Variants in FXR1 observed in about 807,000 individuals in gnomAD.
FXR1 encodes the protein RNA-binding protein FXR1.
A neutral mutation model predicts 84.0 loss-of-function variants in FXR1; 15 were observed. The ratio of observed to expected loss-of-function variants is 0.18; its 90% CI spans 0.12 to 0.27. The LOEUF (loss-of-function observed/expected upper bound fraction) is 0.27, where lower values mean the gene tolerates loss of function less well. Among genes scored for constraint, FXR1 ranks in the 10% least tolerant of loss-of-function variants. The probability of loss-of-function intolerance (pLI) is 1.00; values close to 1 mark genes in which losing one functional copy is unlikely to be tolerated. For synonymous variants in FXR1, 245 were observed against 250.7 expected (o/e 0.98, Z 0.21); for missense variants, 480 against 774.4 (o/e 0.62, Z 4.51).
At chr3:180,935,108 G>T in intron 2 of FXR1, 30 bp from the exon 3 acceptor site, 1 of 1,045,632 alleles carries the variant, frequency 9.6e-7, no homozygotes, top group Middle Eastern at 2.1e-4. Flanking sequence ...ATATTTTTAA[G>T]TTGTTAATAC....
intron 1 of FXR1, chr3:180,927,627 G>T: frequency 1.7e-6 from 1 of 580,850 alleles, no homozygotes; most frequent in Non-Finnish European, 3.0e-6. Flanking sequence ...CAGATATCCT[G>T]TGTACTTTTT....
intron 1 of FXR1, among the ~76,000 whole-genome samples, chr3:180,923,996 T>A (rs1354276581): frequency 6.6e-6 from 1 of 152,118 alleles, no homozygotes; most frequent in African/African-American, 2.4e-5. Flanking sequence ...TCTTGCTCTG[T>A]CGCCCAGGCT....
rs1038135544 is a variant in FXR1, at chr3:180,979,784, C to A, written c.*3492C>A. The A allele has an allele frequency of 1.3e-5, 2 of 151,976 alleles. No individual in the cohort carries two copies. Among genetic ancestry groups the A allele is most frequent in the African/African-American group, 4.8e-5 (2 of 41,422 alleles). 9.4% of individuals were successfully genotyped at this position (151,976 alleles called of 1,614,324 possible). ...CACTTTTGTAAGGCTCAAAAATGAT[C>A]AACTATTAACAGTTTCTTATGGTTC... On this transcript the variant is annotated 3_prime_UTR_variant, in exon 17 of 17. Coordinates refer to ENST00000357559, the MANE Select transcript of FXR1 (RefSeq NM_005087.4).
intron 1 of FXR1, among the ~76,000 whole-genome samples, chr3:180,926,389 T>C (rs908093205): frequency 1.3e-5 from 2 of 151,446 alleles, no homozygotes; most frequent in Non-Finnish European, 3.0e-5. Context: ...CATGAAACTT[T>C]TAATAGGTTG....
At position 180,957,898 on chromosome 3, in the gene FXR1, G is replaced by A. The variant is rs745844006; in HGVS notation, c.960G>A (p.Gly320=). 12 of 1,546,990 alleles carry A rather than the reference G, an allele frequency of 7.8e-6. No homozygotes were observed. In the South Asian group the frequency reaches 9.2e-5, roughly 12 times the overall value. The part of the protein sequence containing the change: ...KSGVVRVRIE[G]DNENKLPRED... Reference sequence around the variant, plus strand: ...GTGTGGTTCGAGTGAGAATTGAAGGGGACAATGAAAATAAATTACCCAGAG... The same window carrying A: ...GTGTGGTTCGAGTGAGAATTGAAGGAGACAATGAAAATAAATTACCCAGAG... The change falls in exon 10 of 17, where the codon GGG becomes GGA. Residue 320 remains glycine (G), a synonymous_variant. Transcript: ENST00000357559.
Position 180,916,858 on chromosome 3 carries a change from C to T in FXR1, c.51+4122C>T, listed in dbSNP as rs570003051. On this transcript the variant is annotated intron_variant, in intron 1 of 16. Transcript: ENST00000357559. Reference sequence around the variant, plus strand: ...GTTACATTTTTTTGTTTTCTTGAGACGGAGTCTTGCTCTGTCACCAGGCTG... The same window carrying T: ...GTTACATTTTTTTGTTTTCTTGAGATGGAGTCTTGCTCTGTCACCAGGCTG... Among the ~76,000 whole-genome samples, 73 of 152,108 alleles carry T rather than the reference C, an allele frequency of 4.8e-4. 1 individual carries two copies. The highest frequency in any genetic ancestry group is 1.7e-3 in the African/African-American group (71 of 41,528).
rs1311908137 is a variant in FXR1, at chr3:180,979,930, A to C, written c.*3638A>C. 1 of 152,096 alleles carries C rather than the reference A, an allele frequency of 6.6e-6. No individual in the cohort carries two copies. The highest frequency in any genetic ancestry group is 1.5e-5 in the Non-Finnish European group (1 of 67,952). 9.4% of individuals were successfully genotyped at this position (152,096 alleles called of 1,614,324 possible). A position where few individuals can be genotyped will look rare whatever the true frequency, so the allele number is the denominator to read the frequency against. On this transcript the variant is annotated 3_prime_UTR_variant, in exon 17 of 17. Coordinates refer to ENST00000357559, the MANE Select transcript of FXR1 (RefSeq NM_005087.4). ...ACAAAAATTCCCCTGGAAAAACTAT[A>C]TTCTAGTTTTGTAAGATGATTTCCC...
chr3:180,947,313 C>T (rs1018187464), intron 3 of FXR1, among the ~76,000 whole-genome samples: 4 of 152,202 alleles, frequency 2.6e-5, no homozygotes, highest in Non-Finnish European at 4.4e-5. Context: ...TCCCAAAGTG[C>T]TGGGATTACA....
chr3:180,956,240 G>A (rs891612617), intron 9 of FXR1, among the ~76,000 whole-genome samples: 1 of 152,116 alleles, frequency 6.6e-6, no homozygotes, highest in African/African-American at 2.4e-5. Context: ...TTTGAAAATG[G>A]TTCAAAACCT....
chr3:180,914,125 A>G (rs1324272280), intron 1 of FXR1, among the ~76,000 whole-genome samples: 1 of 152,182 alleles, frequency 6.6e-6, no homozygotes, highest in Non-Finnish European at 1.5e-5. Context: ...CCTGTTGGAA[A>G]TGAGACTTTA....
chr3:180,924,591 G>T (rs963733615), intron 1 of FXR1, among the ~76,000 whole-genome samples: 1 of 152,166 alleles, frequency 6.6e-6, no homozygotes, highest in African/African-American at 2.4e-5. Flanking sequence ...TGGAAGTTGG[G>T]TTTAGAATCA....
intron 3 of FXR1, 90 bp from the exon 4 acceptor site, chr3:180,947,775 G>T: frequency 1.8e-6 from 1 of 562,232 alleles, no homozygotes; most frequent in Non-Finnish European, 3.1e-6. Context: ...TCATTCTTAA[G>T]TTTATTGGGA....
intron 3 of FXR1, among the ~76,000 whole-genome samples, chr3:180,940,340 G>T (rs1192412021): frequency 2.0e-5 from 3 of 152,074 alleles, no homozygotes; most frequent in Non-Finnish European, 2.9e-5. Context: ...AAGTTTGAAG[G>T]TAATGTGAAA....
chr3:180,921,810 T>A (rs1447467990), intron 1 of FXR1, among the ~76,000 whole-genome samples: 6 of 152,198 alleles, frequency 3.9e-5, no homozygotes, highest in Non-Finnish European at 2.9e-5. Context: ...AAGTATGATA[T>A]AAAAACTTAG....
At chr3:180,914,817 A>G (rs1347036936) in intron 1 of FXR1, 1 of 984,782 alleles carries the variant, frequency 1.0e-6, no homozygotes, top group Non-Finnish European at 1.2e-6. Flanking sequence ...TGGAAAGGAC[A>G]CTAGCCACCT....
rs150456020 is a variant in FXR1, at chr3:180,949,173, G to A, written c.514-54G>A. Reference sequence around the variant, plus strand: ...TTGCATAGAAGATGGGATGGTGTTTGTGCTATTTGGAAGAATGATTAAAGT... The same window carrying A: ...TTGCATAGAAGATGGGATGGTGTTTATGCTATTTGGAAGAATGATTAAAGT... On this transcript the variant is annotated intron_variant, in intron 6 of 16. Coordinates refer to ENST00000357559, the MANE Select transcript of FXR1 (RefSeq NM_005087.4). The A allele has an allele frequency of 1.8e-5, 16 of 899,044 alleles. No homozygotes were observed. The Admixed American group carries it at 2.2e-4, about 12-fold the overall frequency. The allele number at this position is 899,044 out of a possible 1,614,324, so 55.7% of individuals were successfully genotyped here.
intron 1 of FXR1, among the ~76,000 whole-genome samples, chr3:180,921,458 GTATC>G (rs796675899): frequency 3.3e-5 from 5 of 151,922 alleles, no homozygotes; most frequent in African/African-American, 1.2e-4. Flanking sequence ...TGTGGAACAA[GTATC>G]TAGTGATTTG....
chr3:180,917,947 C>CAAA (rs757826092), intron 1 of FXR1, among the ~76,000 whole-genome samples: 882 of 59,752 alleles, frequency 0.015, 9 homozygotes, highest in East Asian at 0.043. Context: ...ACTCTGTCTC[C>CAAA]AAAAAAAAAA....
intron 1 of FXR1, among the ~76,000 whole-genome samples, chr3:180,922,583 C>G (rs1178860552): frequency 6.6e-6 from 1 of 152,018 alleles, no homozygotes; most frequent in African/African-American, 2.4e-5. Flanking sequence ...GTAAGAGTGT[C>G]CACTCTCCCA....
Sources: allele counts gnomAD v4.1 joint callset (sites outside exome capture counted in the v4.1 genomes callset), GRCh38; gene constraint gnomAD v4.1.1; transcripts MANE v1.5; gene names NCBI Gene and HGNC (gene_info 2026-07-23, HGNC 2026-07-21).